ACOT7: variants seen among roughly 807,000 people sequenced by gnomAD.
ACOT7 encodes acyl-CoA thioesterase 7.
In ACOT7, 12 loss-of-function variants were observed where a neutral mutation model predicts 40.2. The ratio of observed to expected loss-of-function variants is 0.30; its 90% CI spans 0.19 to 0.48. The LOEUF (loss-of-function observed/expected upper bound fraction) is 0.48, where lower values mean the gene tolerates loss of function less well. Among genes scored for constraint, ACOT7 ranks in the 20% least tolerant of loss-of-function variants. The pLI is 0.99. For synonymous variants in ACOT7, 228 were observed against 219.5 expected (o/e 1.04, Z -0.34); for missense variants, 395 against 530.8 (o/e 0.74, Z 2.51).
chr1:6,305,813 G>A (rs1216070938), intron 6 of ACOT7, among the ~76,000 whole-genome samples: 2 of 152,298 alleles, frequency 1.3e-5, no homozygotes, highest in African/African-American at 2.4e-5. Context: ...CTGCAATCTC[G>A]GCACTTTGGG....
At chr1:6,334,135 T>C (rs1321078490) in intron 3 of ACOT7, among the ~76,000 whole-genome samples, 2 of 152,188 alleles carry the variant, frequency 1.3e-5, no homozygotes, top group African/African-American at 2.4e-5. Context: ...GAAGGACTGA[T>C]TGGCTGCAGG....
rs1452479113 is a variant in ACOT7 at position 6,359,117 on chromosome 1, C to A, written c.144-9251G>T. On this transcript the variant is annotated intron_variant, in intron 1 of 8. Coordinates refer to ENST00000361521, the MANE Select transcript of ACOT7 (RefSeq NM_007274.4). This position sits in a 1 kb window ranked among gnomAD's most constrained non-coding sequence, Gnocchi z 4.1. ...TAATTCTGTGAGCTCTTCTGGCTGC[C>A]ATGCCAGGAGATCAGGAAGGCAGAG... The A allele has an allele frequency of 5.6e-6, 2 of 357,002 alleles. No individual in the cohort carries two copies. The highest frequency in any genetic ancestry group is 1.0e-5 in the Non-Finnish European group (2 of 195,788). 22.1% of individuals were successfully genotyped at this position (357,002 alleles called of 1,614,324 possible).
intron 5 of ACOT7, among the ~76,000 whole-genome samples, chr1:6,322,129 T>C (rs897731581): frequency 1.3e-4 from 20 of 152,076 alleles, no homozygotes; most frequent in Non-Finnish European, 2.6e-4. Context: ...CAGGGGCTCC[T>C]TCCCAAAAGC....
intron 1 of ACOT7, among the ~76,000 whole-genome samples, chr1:6,365,804 A>G (rs1459086849): frequency 1.3e-5 from 2 of 152,040 alleles, no homozygotes; most frequent in Admixed American, 6.6e-5. Flanking sequence ...AAAAATGCTA[A>G]CAATCATCTG....
chr1:6,344,029 G>A (rs989853698), intron 2 of ACOT7, among the ~76,000 whole-genome samples: 1 of 152,230 alleles, frequency 6.6e-6, no homozygotes, highest in African/African-American at 2.4e-5. Flanking sequence ...CTTCAGATGA[G>A]AGGCATCTGA....
rs940980471 is a variant in ACOT7 at position 6,274,503 on chromosome 1, G to C, written c.1014+6599C>G. On this transcript the variant is annotated intron_variant, in intron 8 of 8. Transcript: ENST00000361521. This position sits in a 1 kb window ranked among gnomAD's most constrained non-coding sequence, Gnocchi z 5.9. ...CCACGCTGTCCTCTCGGCTGGCGCGGGGCTTACCCGGCCCCTGCACTCATG... is the reference window on the plus strand; with the variant it reads ...CCACGCTGTCCTCTCGGCTGGCGCGCGGCTTACCCGGCCCCTGCACTCATG... 1.3e-5 allele frequency among the ~76,000 whole-genome samples: 2 copies of C among 152,228 alleles called. No homozygotes were observed. Among genetic ancestry groups the C allele is most frequent in the Non-Finnish European group, 2.9e-5 (2 of 68,044 alleles).
intron 7 of ACOT7, among the ~76,000 whole-genome samples, chr1:6,287,526 T>C (rs1198281192): frequency 6.6e-6 from 1 of 152,234 alleles, no homozygotes; most frequent in Non-Finnish European, 1.5e-5. Flanking sequence ...TCATATTAGG[T>C]ACAGTTAAAC....
chr1:6,384,055 G>A (rs1386831687), intron 1 of ACOT7, among the ~76,000 whole-genome samples: 1 of 151,776 alleles, frequency 6.6e-6, no homozygotes, highest in Admixed American at 6.6e-5. Flanking sequence ...TTGCTATGTT[G>A]CCCAGGCTGA....
intron 6 of ACOT7, among the ~76,000 whole-genome samples, chr1:6,314,817 C>T (rs568512720): frequency 6.6e-6 from 1 of 152,092 alleles, no homozygotes; most frequent in Non-Finnish European, 1.5e-5. Flanking sequence ...ACACCCTCCA[C>T]GAGCCATTCA....
intron 2 of ACOT7, 107 bp downstream of exon 2, chr1:6,349,642 G>T: frequency 9.3e-7 from 1 of 1,070,402 alleles, no homozygotes; most frequent in Admixed American, 2.1e-5. Context: ...AAGGCCCAGT[G>T]CACAAGGGGA....
intron 1 of ACOT7, among the ~76,000 whole-genome samples, chr1:6,368,826 C>T (rs1288614748): frequency 6.6e-6 from 1 of 152,174 alleles, no homozygotes; most frequent in East Asian, 1.9e-4. Context: ...GCTGCTGCCA[C>T]TGCTGCTCCC....
chr1:6,296,999 T>C (rs572804521), intron 6 of ACOT7, among the ~76,000 whole-genome samples: 15 of 152,294 alleles, frequency 9.8e-5, no homozygotes, highest in African/African-American at 3.1e-4. Flanking sequence ...TAATACCTAT[T>C]AGAAATTTTA....
intron 7 of ACOT7, among the ~76,000 whole-genome samples, chr1:6,284,576 C>CAAAAAA (rs561943319): frequency 5.2e-5 from 3 of 57,974 alleles, no homozygotes; most frequent in African/African-American, 6.5e-5. Flanking sequence ...AACTCCATCT[C>CAAAAAA]AAAAAAAAAA....
chr1:6,308,623 A>T (rs113607901), intron 6 of ACOT7, among the ~76,000 whole-genome samples: 4 of 127,530 alleles, frequency 3.1e-5, no homozygotes, highest in Non-Finnish European at 4.8e-5. Flanking sequence ...AGAGGGAACC[A>T]CAACAGGCAG....
rs1474407886 is a variant in ACOT7, at chr1:6,339,480, T to C, written c.371A>G (p.His124Arg). The change falls in exon 3 of 9, where the codon CAC becomes CGC. Residue 124 changes from histidine to arginine, a missense_variant. Coordinates refer to ENST00000361521, the MANE Select transcript of ACOT7 (RefSeq NM_007274.4). ...CACGTTGACCTGCACCTCCACAGAG[T>C]GCTTGGAGGTGTAGGTGATCTCCGC... is the stretch of plus-strand genomic sequence containing the variant. ...VSAEITYTSKHSVEVQVNVMS... is the reference protein window; with the variant it reads ...VSAEITYTSKRSVEVQVNVMS... 3 of 1,613,624 alleles carry C rather than the reference T, an allele frequency of 1.9e-6. No individual in the cohort carries two copies. Among genetic ancestry groups the C allele is most frequent in the Non-Finnish European group, 2.5e-6 (3 of 1,180,006 alleles).
intron 8 of ACOT7, among the ~76,000 whole-genome samples, chr1:6,269,009 C>T (rs909438110): frequency 1.3e-5 from 2 of 152,206 alleles, no homozygotes; most frequent in Non-Finnish European, 2.9e-5. Flanking sequence ...GGGACTACAG[C>T]GATAAGGGGA....
At chr1:6,298,496 A>G (rs1639875382) in intron 6 of ACOT7, among the ~76,000 whole-genome samples, 1 of 152,192 alleles carries the variant, frequency 6.6e-6, no homozygotes, top group Non-Finnish European at 1.5e-5. Flanking sequence ...CCTAAGTCAC[A>G]TGGAGGTCCG....
chr1:6,386,121 C>A (rs181218039), intron 1 of ACOT7, among the ~76,000 whole-genome samples: 8 of 152,336 alleles, frequency 5.3e-5, no homozygotes, highest in Admixed American at 5.2e-4. Flanking sequence ...TCTTGGCTCA[C>A]AGGCACCGGG....
intron 5 of ACOT7, among the ~76,000 whole-genome samples, chr1:6,320,568 A>T (rs1640617323): frequency 6.6e-6 from 1 of 152,206 alleles, no homozygotes; most frequent in Admixed American, 6.5e-5. Context: ...AAAGGGACAG[A>T]GTCGGGGGAG....
Sources: gnomAD v4.1 joint callset for allele counts (sites outside exome capture counted in the v4.1 genomes callset) on GRCh38, gnomAD v4.1.1 for gene constraint, Gnocchi (gnomAD v3.1) non-coding constraint, MANE v1.5 for transcripts, NCBI Gene and HGNC (gene_info 2026-07-23, HGNC 2026-07-21) for gene names.